FSTL4: variants seen among roughly 807,000 people sequenced by gnomAD.
The protein encoded by FSTL4 is follistatin like 4.
In FSTL4, 28 loss-of-function variants were observed where a neutral mutation model predicts 78.2. The ratio of observed to expected loss-of-function variants is 0.36; its 90% CI spans 0.27 to 0.49. FSTL4 has a LOEUF of 0.49. Ranked by LOEUF, FSTL4 falls within the 20% of genes least tolerant of loss-of-function variation. The probability of loss-of-function intolerance (pLI) is 0.98; values close to 1 mark genes in which losing one functional copy is unlikely to be tolerated. For missense variants in FSTL4, 922 were observed against 1,084.9 expected, an observed-to-expected ratio of 0.85 and a Z score of 2.11; for synonymous variants, 422 against 440.5, an observed-to-expected ratio of 0.96 and a Z score of 0.53.
chr5:133,544,648 G>A (rs1207793209), intron 3 of FSTL4, among the ~76,000 whole-genome samples: 2 of 152,178 alleles, frequency 1.3e-5, no homozygotes. Flanking sequence ...CAAGTAGAGA[G>A]CAGCAGTCTT....
chr5:133,266,855 A>G (rs1752653913), intron 6 of FSTL4, among the ~76,000 whole-genome samples: 1 of 152,212 alleles, frequency 6.6e-6, no homozygotes, highest in Non-Finnish European at 1.5e-5. Context: ...CAGTGACCAC[A>G]GCTTCCCCCT....
the FSTL4 span, among the ~76,000 whole-genome samples, chr5:133,739,928 T>C: frequency 6.6e-6 from 1 of 151,554 alleles, no homozygotes; most frequent in Non-Finnish European, 1.5e-5. Flanking sequence ...TGTCTTGCTT[T>C]ATCACCCAGA....
intron 4 of FSTL4, among the ~76,000 whole-genome samples, chr5:133,337,166 A>C (rs970049439): frequency 1.3e-5 from 2 of 152,174 alleles, no homozygotes; most frequent in Non-Finnish European, 2.9e-5. Context: ...TTGCACCAGC[A>C]TGGGGCTGTG....
chr5:133,778,330 G>A, the FSTL4 span, among the ~76,000 whole-genome samples: 1 of 148,330 alleles, frequency 6.7e-6, no homozygotes, highest in East Asian at 1.9e-4. Flanking sequence ...GCAGAAAGGA[G>A]GTGTTTCCTC....
chr5:133,517,447 A>AAAAAAAAAATATATATATATAT (rs1554068019), intron 3 of FSTL4, among the ~76,000 whole-genome samples: 1 of 16,398 alleles, frequency 6.1e-5, no homozygotes, highest in African/African-American at 2.8e-4. Context: ...AAAAAAAAAA[A>AAAAAAAAAATATATATATATAT]ATATATATAT....
At chr5:133,405,192 C>T (rs2126975121) in intron 3 of FSTL4, among the ~76,000 whole-genome samples, 1 of 152,346 alleles carries the variant, frequency 6.6e-6, no homozygotes, top group Middle Eastern at 3.4e-3. Flanking sequence ...GCACTGAATT[C>T]CACAACCTCA....
At chr5:133,800,979 G>A in the FSTL4 span, among the ~76,000 whole-genome samples, 3 of 152,084 alleles carry the variant, frequency 2.0e-5, no homozygotes, top group Admixed American at 6.5e-5. Flanking sequence ...CATCCATCAC[G>A]CTGCCACGAC....
At chr5:133,439,928 A>T (rs1001432629) in intron 3 of FSTL4, among the ~76,000 whole-genome samples, 12 of 152,104 alleles carry the variant, frequency 7.9e-5, no homozygotes, top group Non-Finnish European at 2.9e-5. Flanking sequence ...GCATTGTTTT[A>T]TTCAGGGCGT....
At chr5:133,501,405 C>A (rs1758494604) in intron 3 of FSTL4, among the ~76,000 whole-genome samples, 1 of 152,186 alleles carries the variant, frequency 6.6e-6, no homozygotes, top group South Asian at 2.1e-4. Flanking sequence ...AGCTCAGGCA[C>A]TGAGTTTCTA....
At chr5:133,832,221 T>C in the FSTL4 span, among the ~76,000 whole-genome samples, 1 of 152,232 alleles carries the variant, frequency 6.6e-6, no homozygotes, top group African/African-American at 2.4e-5. Flanking sequence ...CCAAAGTGAT[T>C]ACTCTAAAGG....
Position 133,498,628 on chromosome 5 carries a change from G to GA in FSTL4, c.160+68557dup, listed in dbSNP as rs1758421003. 1.3e-5 allele frequency among the ~76,000 whole-genome samples: 2 copies of GA among 151,392 alleles called. 1 individual carries two copies. Among genetic ancestry groups the GA allele is most frequent in the Admixed American group, 1.3e-4 (2 of 15,202 alleles). ...AGCTATTCGGGAGGCTGAGGCGGGA[G>GA]AATCACCTGAACCTGGGAGGTGGAG... is the stretch of plus-strand genomic sequence containing the variant. On this transcript the variant is annotated intron_variant, in intron 3 of 15. Transcript: ENST00000265342.
intron 3 of FSTL4, among the ~76,000 whole-genome samples, chr5:133,463,105 G>A (rs1757630064): frequency 6.6e-6 from 1 of 152,214 alleles, no homozygotes; most frequent in African/African-American, 2.4e-5. Context: ...AATCACGGCA[G>A]GCCCAAGGCC....
the FSTL4 span, among the ~76,000 whole-genome samples, chr5:133,771,449 T>G: frequency 4.6e-5 from 7 of 152,140 alleles, no homozygotes; most frequent in Non-Finnish European, 1.0e-4. Context: ...GTAAAGCATA[T>G]TTCTAGGTTT....
chr5:133,735,419 G>A, the FSTL4 span, among the ~76,000 whole-genome samples: 1 of 152,114 alleles, frequency 6.6e-6, no homozygotes, highest in East Asian at 1.9e-4. Flanking sequence ...AGCCGAGATC[G>A]TGCCACTGCA....
upstream of FSTL4, among the ~76,000 whole-genome samples, chr5:133,613,163 C>A (rs752883257): frequency 6.6e-6 from 1 of 152,246 alleles, no homozygotes; most frequent in Non-Finnish European, 1.5e-5. Context: ...CATCCCCAAG[C>A]CTGGGGCTCC....
intron 15 of FSTL4, among the ~76,000 whole-genome samples, chr5:133,200,323 C>T (rs1168474062): frequency 1.3e-5 from 2 of 152,404 alleles, no homozygotes; most frequent in South Asian, 4.1e-4. Flanking sequence ...TTAGTACCCT[C>T]TTCCCCTGGA....
At chr5:133,728,135 C>T in the FSTL4 span, among the ~76,000 whole-genome samples, 283 of 152,298 alleles carry the variant, frequency 1.9e-3, no homozygotes, top group African/African-American at 6.6e-3. Context: ...TACAGCCACT[C>T]AACAGATTTG....
At chr5:133,534,033 A>G (rs181145050) in intron 3 of FSTL4, among the ~76,000 whole-genome samples, 45 of 152,306 alleles carry the variant, frequency 3.0e-4, no homozygotes, top group African/African-American at 1.0e-3. Flanking sequence ...TTGTGCTACT[A>G]TAACAGAATT....
chr5:133,274,951 C>T (rs374494262), intron 6 of FSTL4, among the ~76,000 whole-genome samples: 1 of 152,152 alleles, frequency 6.6e-6, no homozygotes, highest in Admixed American at 6.5e-5. Context: ...AAATGCAGTT[C>T]CCTTTGTTTA....
Sources: allele counts gnomAD v4.1 joint callset (sites outside exome capture counted in the v4.1 genomes callset), GRCh38; gene constraint gnomAD v4.1.1; transcripts MANE v1.5; gene names NCBI Gene and HGNC (gene_info 2026-07-23, HGNC 2026-07-21).